Variants in SIGLEC1 observed in about 807,000 individuals in gnomAD.
SIGLEC1 encodes sialoadhesin.
In SIGLEC1, 132 loss-of-function variants were observed where a neutral mutation model predicts 148.0. That is an observed-to-expected ratio of 0.89 (90% CI 0.77 to 1.03). The LOEUF is 1.03. Ranked by LOEUF, SIGLEC1 falls within the 50% of genes least tolerant of loss-of-function variation. SIGLEC1 has a pLI of 0.00. For synonymous variants in SIGLEC1, 945 were observed against 969.0 expected (o/e 0.98, Z 0.46); for missense variants, 2,253 against 2,271.4 (o/e 0.99, Z 0.16).
chr20:3,697,176 G>A lies in SIGLEC1; in HGVS notation c.2289C>T (p.Pro763=), dbSNP rs376815325. The change falls in exon 10 of 22, where the codon CCC becomes CCT. Residue 763 remains proline (P), a synonymous_variant. Transcript: ENST00000344754. ...QGPLETVTLL[P]VARTDAALYA... ...AAAGGGCAGCATCAGTTCTGGCCAC[G>A]GGCAGCAGTGTCACGGTCTCCAGGG... 2.0e-5 allele frequency: 33 copies of A among 1,613,696 alleles called. No homozygotes were observed. Among genetic ancestry groups the A allele is most frequent in the South Asian group, 1.2e-4 (11 of 91,084 alleles).
chr20:3,699,385 G>A lies in SIGLEC1; in HGVS notation c.1603C>T (p.Leu535=). The change falls in exon 8 of 22, where the codon CTA becomes TTA. Residue 535 remains leucine (L), a synonymous_variant. Transcript: ENST00000344754. ...AAGCGGGCATCAGGTGTGGGGCTTA[G>A]GCCGCTTCTGCAGCTCAGTGTCACT... ...QAVTLSCRSG[L]SPTPDARFSW... 1.9e-6 allele frequency: 3 copies of A among 1,608,364 alleles called. No homozygotes were observed. Among genetic ancestry groups the A allele is most frequent in the Non-Finnish European group, 2.5e-6 (3 of 1,178,214 alleles).
Position 3,707,079 on chromosome 20 carries a change from C to A in SIGLEC1, c.49+1G>T, listed in dbSNP as rs756399989. 4 of 1,614,056 alleles carry A rather than the reference C, an allele frequency of 2.5e-6. No individual in the cohort carries two copies. The highest frequency in any genetic ancestry group is 2.5e-6 in the Non-Finnish European group (3 of 1,179,950). On this transcript the variant is annotated splice_donor_variant, in intron 2 of 21. Coordinates refer to ENST00000344754, the MANE Select transcript of SIGLEC1 (RefSeq NM_023068.4). LOFTEE classifies it high-confidence loss of function. ...ACAGGCACTAGGCCCGCAAAGCTTA[C>A]CTGCTGGGAAGAATGAGGCCAGGAG...
Position 3,692,877 on chromosome 20 carries a change from C to T in SIGLEC1, c.3763G>A (p.Glu1255Lys). ...SPLGQANTSL[E>K]LRLEGVRVIL... The stretch of plus-strand genomic sequence containing the variant: ...CCTGCCTTACCCTCCAGCCGCAGCT[C>T]CAGGGACGTGTTGGCCTGGCCCAGA... The change falls in exon 15 of 22, where the codon GAG becomes AAG. Residue 1255 changes from glutamate to lysine, a missense_variant. Physicochemically the swap from Glu to Lys is moderately conservative, Grantham distance 56. Coordinates refer to ENST00000344754, the MANE Select transcript of SIGLEC1 (RefSeq NM_023068.4). The T allele has an allele frequency of 6.2e-7, 1 of 1,610,314 alleles. No homozygotes were observed. The highest frequency in any genetic ancestry group is 8.5e-7 in the Non-Finnish European group (1 of 1,179,018).
chr20:3,690,274 G>A lies in SIGLEC1; in HGVS notation c.4592-10C>T. ...GGCGTCTTGGGAGGGTCTGTGGGGA[G>A]GAAGGGAGTGTGGTGATTGCAGACA... is the stretch of plus-strand genomic sequence containing the variant. On this transcript the variant is annotated splice_polypyrimidine_tract_variant and intron_variant, in intron 18 of 21. Transcript: ENST00000344754. 1.3e-6 allele frequency: 2 copies of A among 1,532,976 alleles called. No individual in the cohort carries two copies. The highest frequency in any genetic ancestry group is 1.2e-5 in the South Asian group (1 of 82,690). 95.0% of individuals were successfully genotyped at this position (1,532,976 alleles called of 1,614,324 possible). A position where few individuals can be genotyped will look rare whatever the true frequency, so the allele number is the denominator to read the frequency against.
rs770509839 is a variant in SIGLEC1, at chr20:3,693,508, G to T, written c.3447C>A (p.Cys1149Ter). 4 of 1,609,710 alleles carry T rather than the reference G, an allele frequency of 2.5e-6. No homozygotes were observed. Among genetic ancestry groups the T allele is most frequent in the African/African-American group, 1.3e-5 (1 of 74,908 alleles). The change falls in exon 14 of 22, where the codon TGC becomes TGA. Residue 1149 changes from cysteine to a stop codon, truncating the protein, a stop_gained. Transcript: ENST00000344754. LOFTEE classifies it high-confidence loss of function. The stretch of plus-strand genomic sequence containing the variant: ...GTGCCCGACCAGGGGGGCCCACACC[G>T]CAGCGGTAGGAGGTGGCATCCCTGA... The part of the protein sequence containing the change: ...VTVRDATSYR[C>*]GVGPPGRAPR...
At position 3,704,276 on chromosome 20, in the gene SIGLEC1, C is replaced by T. The variant is rs570702884; in HGVS notation, c.707-185G>A. ...ATGTCCGTCCCTTTCCCGCCCCCTGCGCCTGATGCATTCCTATGCCCATTG... is the reference window on the plus strand; with the variant it reads ...ATGTCCGTCCCTTTCCCGCCCCCTGTGCCTGATGCATTCCTATGCCCATTG... On this transcript the variant is annotated intron_variant, in intron 4 of 21. Transcript: ENST00000344754. 9.1e-4 allele frequency among the ~76,000 whole-genome samples: 139 copies of T among 152,324 alleles called. 1 individual carries two copies. The highest frequency in any genetic ancestry group is 3.1e-3 in the South Asian group (15 of 4,832).
At position 3,688,359 on chromosome 20, in the gene SIGLEC1, T is replaced by C; in HGVS notation, c.*201A>G. The C allele has an allele frequency of 3.2e-6, 2 of 622,042 alleles. No homozygotes were observed. The highest frequency in any genetic ancestry group is 1.8e-5 in the African/African-American group (1 of 55,546). 38.5% of individuals were successfully genotyped at this position (622,042 alleles called of 1,614,324 possible). On this transcript the variant is annotated 3_prime_UTR_variant, in exon 22 of 22. Transcript: ENST00000344754. The stretch of plus-strand genomic sequence containing the variant: ...CAGTGCTCTTCAGTGTCCTCCAGGG[T>C]CAACACCCTCCTGGGCAGACCTCTC...
At chr20:3,701,284 G>A (rs2087848648) in intron 7 of SIGLEC1, 58 bp downstream of exon 7, 1 of 1,463,370 alleles carries the variant, frequency 6.8e-7, no homozygotes. Context: ...GGAACAGACT[G>A]GAGCAGGCTC....
intron 4 of SIGLEC1, among the ~76,000 whole-genome samples, 158 bp downstream of exon 4, chr20:3,705,586 C>T (rs919820451): frequency 6.6e-6 from 1 of 152,194 alleles, no homozygotes; most frequent in African/African-American, 2.4e-5. Context: ...CCTTGGGGCT[C>T]AGCAGTGTCT....
Position 3,697,837 on chromosome 20 carries a change from G to T in SIGLEC1, c.2083C>A (p.Leu695Met). Residue 695 changes from leucine (L) to methionine (M), a missense_variant, in exon 9 of 22, where the codon CTG (leucine) becomes ATG (methionine). Physicochemically the swap from Leu to Met is conservative, Grantham distance 15. Transcript: ENST00000344754. ...GTGGCTGAGGTGGAGGCGTTGCCCAGGGCATTGCTGGCCTCACAGAGGTAC... is the reference window on the plus strand; with the variant it reads ...GTGGCTGAGGTGGAGGCGTTGCCCATGGCATTGCTGGCCTCACAGAGGTAC... Reference protein sequence around the residue: ...GLYLCEASNALGNASTSATFN... With the variant: ...GLYLCEASNAMGNASTSATFN... 6.2e-7 allele frequency: 1 copy of T among 1,612,994 alleles called. No individual in the cohort carries two copies. Among genetic ancestry groups the T allele is most frequent in the Non-Finnish European group, 8.5e-7 (1 of 1,179,980 alleles).
intron 19 of SIGLEC1, 77 bp from the exon 20 acceptor site, chr20:3,689,779 A>T: frequency 1.5e-6 from 2 of 1,357,592 alleles, no homozygotes. Context: ...CCCACCCAAG[A>T]TGACACCTTC....
chr20:3,691,546 T>C lies in SIGLEC1; in HGVS notation c.4385A>G (p.Asn1462Ser). 1 of 1,613,058 alleles carries C rather than the reference T, an allele frequency of 6.2e-7. No homozygotes were observed. The highest frequency in any genetic ancestry group is 8.5e-7 in the Non-Finnish European group (1 of 1,179,992). ...GCCACCCAGGAGGCGGCAGCTGAGG[T>C]TCAGGGCAGCGCCCTCAGGCACGTC... ...GLDVPEGAALNLSCRLLGGPG... is the reference protein window; with the variant it reads ...GLDVPEGAALSLSCRLLGGPG... Residue 1462 changes from asparagine to serine, a missense_variant, in exon 18 of 22, where the codon AAC becomes AGC. Coordinates refer to ENST00000344754, the MANE Select transcript of SIGLEC1 (RefSeq NM_023068.4).
chr20:3,712,196 G>A (rs1236584899), intron 1 of SIGLEC1, among the ~76,000 whole-genome samples: 1 of 151,866 alleles, frequency 6.6e-6, no homozygotes, highest in African/African-American at 2.4e-5. Context: ...TTGGAATAGG[G>A]GCTGGGGCTG....
chr20:3,689,864 C>T (rs2088737951), intron 19 of SIGLEC1, 98 bp downstream of exon 19: 1 of 1,221,008 alleles, frequency 8.2e-7, no homozygotes, highest in Non-Finnish European at 1.2e-6. Context: ...ACAGGCAAAT[C>T]ATGCTGCAGC....
rs994881739 is a variant in SIGLEC1 at position 3,697,068 on chromosome 20, C to T, written c.2380+17G>A. ...TCCACCCTCCAAGTCCCCAGGCTGC[C>T]CATGCCAGTCACCCACAGAGTACAC... On this transcript the variant is annotated intron_variant, in intron 10 of 21. Coordinates refer to ENST00000344754, the MANE Select transcript of SIGLEC1 (RefSeq NM_023068.4). 1 of 1,606,160 alleles carries T rather than the reference C, an allele frequency of 6.2e-7. No individual in the cohort carries two copies. The highest frequency in any genetic ancestry group is 1.1e-5 in the South Asian group (1 of 91,024).
intron 11 of SIGLEC1, among the ~76,000 whole-genome samples, chr20:3,695,855 T>C (rs2088815643): frequency 1.3e-5 from 2 of 151,732 alleles, no homozygotes; most frequent in African/African-American, 4.8e-5. Context: ...CACTCTGTCA[T>C]CCAGGCTAGA....
At chr20:3,704,200 A>T in intron 4 of SIGLEC1, 109 bp from the exon 5 acceptor site, 1 of 1,042,344 alleles carries the variant, frequency 9.6e-7, no homozygotes, top group Non-Finnish European at 1.4e-6. Context: ...GTATGCCCAG[A>T]TAAAACAGCA....
intron 6 of SIGLEC1, among the ~76,000 whole-genome samples, chr20:3,702,248 T>G (rs2087858118): frequency 6.6e-6 from 1 of 152,204 alleles, no homozygotes; most frequent in South Asian, 2.1e-4. Flanking sequence ...AAGACAGTAT[T>G]AGGTCCACTG....
chr20:3,692,297 G>T, intron 16 of SIGLEC1, 95 bp from the exon 17 acceptor site: 1 of 1,314,964 alleles, frequency 7.6e-7, no homozygotes, highest in Non-Finnish European at 1.0e-6. Context: ...GAGGCCTCTG[G>T]ACCAATGGCC....
Sources: gnomAD v4.1 joint callset for allele counts (sites outside exome capture counted in the v4.1 genomes callset) on GRCh38, gnomAD v4.1.1 for gene constraint, MANE v1.5 for transcripts, NCBI Gene and HGNC (gene_info 2026-07-23, HGNC 2026-07-21) for gene names.